ITSN1: variants seen among roughly 807,000 people sequenced by gnomAD.
ITSN1 encodes the protein intersectin-1.
In ITSN1, 58 loss-of-function variants were observed where a neutral mutation model predicts 239.8. That is an observed-to-expected ratio of 0.24 (90% CI 0.20 to 0.30). ITSN1 has a LOEUF of 0.30. Ranked by LOEUF, ITSN1 falls within the 10% of genes least tolerant of loss-of-function variation. The probability of loss-of-function intolerance (pLI) is 1.00; values close to 1 mark genes in which losing one functional copy is unlikely to be tolerated. For missense variants in ITSN1, 1,558 were observed against 2,103.3 expected (o/e 0.74, Z 5.07); for synonymous variants, 780 against 770.8 (o/e 1.01, Z -0.20).
intron 1 of ITSN1, among the ~76,000 whole-genome samples, chr21:33,692,728 G>C (rs1034451870): frequency 6.6e-6 from 1 of 151,914 alleles, no homozygotes; most frequent in Non-Finnish European, 1.5e-5. Flanking sequence ...TAGGATTTCA[G>C]ATGTTTGAAC....
chr21:33,648,055 G>T (rs895036817), intron 1 of ITSN1, among the ~76,000 whole-genome samples: 1 of 152,048 alleles, frequency 6.6e-6, no homozygotes, highest in Non-Finnish European at 1.5e-5. Context: ...TCTTACCATG[G>T]TATATCAGAC....
At chr21:33,735,405 C>T (rs1601911616) in intron 5 of ITSN1, 6 of 642,096 alleles carry the variant, frequency 9.3e-6, no homozygotes, top group Non-Finnish European at 1.7e-5. Flanking sequence ...GTAAAGTAAT[C>T]AAAATGAAAG....
chr21:33,873,775 G>A (rs1259420603), intron 33 of ITSN1, among the ~76,000 whole-genome samples: 1 of 152,180 alleles, frequency 6.6e-6, no homozygotes, highest in Middle Eastern at 3.2e-3. Flanking sequence ...AGGAAGCTGT[G>A]GCAGGAGGAT....
chr21:33,654,723 G>A (rs1243347923), intron 1 of ITSN1, among the ~76,000 whole-genome samples: 1 of 152,174 alleles, frequency 6.6e-6, no homozygotes, highest in Non-Finnish European at 1.5e-5. Flanking sequence ...CCTAAGTAAA[G>A]GATTGGGAGT....
intron 12 of ITSN1, 42 bp downstream of exon 12, chr21:33,772,365 T>C: frequency 2.6e-6 from 4 of 1,542,648 alleles, no homozygotes; most frequent in Non-Finnish European, 3.5e-6. Context: ...TAGTGTGCGA[T>C]CACCCCTTTT....
At chr21:33,807,084 G>A (rs779847721) in intron 20 of ITSN1, among the ~76,000 whole-genome samples, 1 of 152,208 alleles carries the variant, frequency 6.6e-6, no homozygotes, top group Non-Finnish European at 1.5e-5. Flanking sequence ...ATACTTGTAA[G>A]AGTAAATTAA....
At chr21:33,735,629 A>T in intron 5 of ITSN1, 2 of 197,446 alleles carry the variant, frequency 1.0e-5, no homozygotes, top group Non-Finnish European at 2.1e-5. Context: ...GAATCACAGT[A>T]CTGAGTCACT....
At chr21:33,710,664 T>C (rs1174768657) in intron 1 of ITSN1, among the ~76,000 whole-genome samples, 3 of 152,010 alleles carry the variant, frequency 2.0e-5, no homozygotes, top group Non-Finnish European at 1.5e-5. Flanking sequence ...GGTATTATAG[T>C]TGTATGACCT....
At chr21:33,800,636 T>C (rs972014629) in intron 19 of ITSN1, among the ~76,000 whole-genome samples, 1 of 152,204 alleles carries the variant, frequency 6.6e-6, no homozygotes, top group African/African-American at 2.4e-5. Flanking sequence ...ATAATCATTT[T>C]ATGATGTGAC....
chr21:33,649,092 C>T (rs543632995), intron 1 of ITSN1, among the ~76,000 whole-genome samples: 3 of 152,270 alleles, frequency 2.0e-5, no homozygotes, highest in African/African-American at 4.8e-5. Context: ...GTCTTAGAAA[C>T]GCAAGACTGT....
Position 33,765,870 on chromosome 21 carries a change from A to T in ITSN1, c.789-5A>T. Reference sequence around the variant, plus strand: ...CCGGATTACAGTTAACTTTTTGTTGAATAGGAATCTTTCTGACATTGATCA... The same window carrying T: ...CCGGATTACAGTTAACTTTTTGTTGTATAGGAATCTTTCTGACATTGATCA... On this transcript the variant is annotated splice_region_variant and splice_polypyrimidine_tract_variant and intron_variant, in intron 9 of 39. Coordinates refer to ENST00000381318, the MANE Select transcript of ITSN1 (RefSeq NM_003024.3). 2 of 1,613,980 alleles carry T rather than the reference A, an allele frequency of 1.2e-6. No homozygotes were observed. Among genetic ancestry groups the T allele is most frequent in the Non-Finnish European group, 1.7e-6 (2 of 1,179,896 alleles).
At chr21:33,862,042 A>G (rs1569314401) in intron 31 of ITSN1, among the ~76,000 whole-genome samples, 1 of 147,026 alleles carries the variant, frequency 6.8e-6, no homozygotes, top group Admixed American at 6.8e-5. Flanking sequence ...GCATGCCTGT[A>G]ATACAAACTA....
chr21:33,651,490 T>C (rs975011616), intron 1 of ITSN1, among the ~76,000 whole-genome samples: 1 of 152,214 alleles, frequency 6.6e-6, no homozygotes, highest in Admixed American at 6.5e-5. Context: ...TTGAGATGAA[T>C]GGTAATTTGT....
At chr21:33,665,218 G>A (rs1322725418) in intron 1 of ITSN1, among the ~76,000 whole-genome samples, 1 of 142,662 alleles carries the variant, frequency 7.0e-6, no homozygotes, top group African/African-American at 2.6e-5. Context: ...AGCCAAGGCC[G>A]CACCATTGCA....
intron 1 of ITSN1, among the ~76,000 whole-genome samples, chr21:33,645,744 A>G (rs577799114): frequency 2.0e-5 from 3 of 152,296 alleles, no homozygotes; most frequent in Admixed American, 6.5e-5. Flanking sequence ...GGGCCCTGGA[A>G]TTGGTGTTGT....
rs143698913 is a variant in ITSN1 at position 33,876,809 on chromosome 21, G to A, written c.4341+1288G>A. Among the ~76,000 whole-genome samples, 354 of 152,228 alleles carry A rather than the reference G, an allele frequency of 2.3e-3. 1 individual carries two copies. Among genetic ancestry groups the A allele is most frequent in the Non-Finnish European group, 4.0e-3 (269 of 68,024 alleles). On this transcript the variant is annotated intron_variant, in intron 34 of 39. Transcript: ENST00000381318. ...ATTGCTTGAGCCCAGGAGTTCAAGG[G>A]TAAGGTGAGCTATGATCACGCTACT...
At chr21:33,785,053 A>G (rs1240058566) in intron 16 of ITSN1, among the ~76,000 whole-genome samples, 5 of 152,228 alleles carry the variant, frequency 3.3e-5, no homozygotes, top group African/African-American at 7.2e-5. Flanking sequence ...AGTACAGAAA[A>G]GAAATTAGGG....
chr21:33,781,005 C>G (rs1475656078), intron 14 of ITSN1, among the ~76,000 whole-genome samples: 1 of 152,200 alleles, frequency 6.6e-6, no homozygotes. Context: ...TTTCTAACTT[C>G]AGGTATACGG....
chr21:33,682,725 A>G (rs957608497), intron 1 of ITSN1, among the ~76,000 whole-genome samples: 1 of 150,112 alleles, frequency 6.7e-6, no homozygotes, highest in African/African-American at 2.5e-5. Flanking sequence ...ACGGGGTTTC[A>G]TCACATTGGC....
Sources: allele counts gnomAD v4.1 joint callset (sites outside exome capture counted in the v4.1 genomes callset), GRCh38; gene constraint gnomAD v4.1.1; transcripts MANE v1.5; gene names NCBI Gene and HGNC (gene_info 2026-07-23, HGNC 2026-07-21).